STAG2: variants seen among roughly 807,000 people sequenced by gnomAD.
The protein encoded by STAG2 is cohesin subunit SA-2.
Under a neutral mutation model 108.1 loss-of-function variants are expected in STAG2, and 14 were observed. The observed-to-expected ratio is 0.13, with a 90% CI of 0.09 to 0.20. STAG2 has a LOEUF of 0.20. Ranked by LOEUF, STAG2 falls within the 10% of genes least tolerant of loss-of-function variation. STAG2 has a pLI of 1.00. For synonymous variants in STAG2, 307 were observed against 302.7 expected, an observed-to-expected ratio of 1.01 and a Z score of -0.15; for missense variants, 440 against 940.9, an observed-to-expected ratio of 0.47 and a Z score of 6.96.
intron 1 of STAG2, among the ~76,000 whole-genome samples, chrX:123,986,973 C>T (rs548637470): frequency 1.8e-5 from 2 of 109,763 alleles, no homozygotes; most frequent in South Asian, 7.9e-4. Flanking sequence ...GCCACCATGT[C>T]CAGCTACTTA....
rs1198971849 is a variant in STAG2 at position 124,034,875 on chromosome X, GTTGTTATTATTA to G, written c.289-2649_289-2638del. Among the ~76,000 whole-genome samples, 15 of 99,872 alleles carry G rather than the reference GTTGTTATTATTA, an allele frequency of 1.5e-4. No homozygotes were observed. The South Asian group carries it at 1.9e-3, about 13-fold the overall frequency. The allele number at this position is 99,872 out of a possible 115,157, so 86.7% of individuals were successfully genotyped here. A position where few individuals can be genotyped will look rare whatever the true frequency, so the allele number is the denominator to read the frequency against. On this transcript the variant is annotated intron_variant, in intron 5 of 34. Coordinates refer to ENST00000371145, the MANE Select transcript of STAG2 (RefSeq NM_001042750.2). The stretch of plus-strand genomic sequence containing the variant: ...CTCAGTAGTTGTTGTTGTTGTTGTT[GTTGTTATTATTA>G]TTATTATTATTATTATTATCATTAT...
Position 123,972,941 on chromosome X carries a change from C to T in STAG2, c.-163+11085C>T, listed in dbSNP as rs189367943. 6.2e-3 allele frequency among the ~76,000 whole-genome samples: 628 copies of T among 101,968 alleles called. 4 individuals carry two copies. The highest frequency in any genetic ancestry group is 0.022 in the African/African-American group (595 of 27,607). The allele number at this position is 101,968 out of a possible 115,157, so 88.5% of individuals were successfully genotyped here. On this transcript the variant is annotated intron_variant, in intron 1 of 34. Coordinates refer to ENST00000371145, the MANE Select transcript of STAG2 (RefSeq NM_001042750.2). ...GCGCTCACCTGTGGTCTCAGCTACT[C>T]AGGAGGCAGAGGTGGGAGGATCACT...
intron 1 of STAG2, among the ~76,000 whole-genome samples, chrX:123,963,746 A>G (rs1230566297): frequency 1.8e-5 from 2 of 111,086 alleles, no homozygotes; most frequent in Admixed American, 9.7e-5. Flanking sequence ...GGGTTTATGG[A>G]CTTCATTAAA....
At chrX:124,028,622 CTGTTA>C (rs757055070) in intron 4 of STAG2, among the ~76,000 whole-genome samples, 546 of 108,652 alleles carry the variant, frequency 5.0e-3, no homozygotes, top group Middle Eastern at 9.6e-3. Context: ...TTTAAAGTAA[CTGTTA>C]AGAGTTGAGT....
intron 13 of STAG2, among the ~76,000 whole-genome samples, chrX:124,055,537 T>A (rs750397183): frequency 1.8e-5 from 2 of 112,702 alleles, no homozygotes; most frequent in Non-Finnish European, 3.8e-5. Context: ...CTTATTTTGT[T>A]CTTTAAAGAT....
chrX:124,065,807 A>G, intron 20 of STAG2, 69 bp from the exon 21 acceptor site: 4 of 732,364 alleles, frequency 5.5e-6, no homozygotes, highest in Non-Finnish European at 7.7e-6. Context: ...TTTTCAAGGT[A>G]ATAGTGACAT....
chrX:124,002,598 A>G (rs2056091982), intron 1 of STAG2, among the ~76,000 whole-genome samples: 1 of 110,883 alleles, frequency 9.0e-6, no homozygotes, highest in Admixed American at 9.7e-5. Flanking sequence ...CTTGGGAACT[A>G]AAAGATGGCC....
intron 1 of STAG2, among the ~76,000 whole-genome samples, chrX:123,970,286 C>T (rs944182116): frequency 1.8e-5 from 2 of 109,863 alleles, no homozygotes; most frequent in African/African-American, 3.3e-5. Context: ...AATTATTCCC[C>T]GAGGCATCCA....
At chrX:123,964,112 A>C (rs1427403013) in intron 1 of STAG2, among the ~76,000 whole-genome samples, 1 of 111,206 alleles carries the variant, frequency 9.0e-6, no homozygotes, top group Non-Finnish European at 1.9e-5. Context: ...GTTTAAGATA[A>C]ACTTTTTTTG....
At chrX:123,981,557 A>T (rs1057003164) in intron 1 of STAG2, among the ~76,000 whole-genome samples, 28 of 111,846 alleles carry the variant, frequency 2.5e-4, no homozygotes, top group African/African-American at 8.1e-4. Context: ...CAGTTGACAG[A>T]TGCTTGGGTT....
chrX:124,028,587 C>T (rs2057183334), intron 4 of STAG2, among the ~76,000 whole-genome samples: 1 of 109,760 alleles, frequency 9.1e-6, no homozygotes, highest in African/African-American at 3.3e-5. Flanking sequence ...TCAGATGTTT[C>T]AGGTGTTCCC....
At position 124,081,434 on chromosome X, in the gene STAG2, A is replaced by G. The variant is rs1260183373; in HGVS notation, c.2830A>G (p.Thr944Ala). Residue 944 changes from threonine to alanine, a missense_variant, in exon 28 of 35, where the codon ACA (threonine) becomes GCA (alanine). By Grantham distance (58) the Thr-to-Ala change is moderately conservative (BLOSUM62 0). This residue lies in a region of STAG2 where 337 missense variants were observed against 649.3 expected (regional missense o/e 0.52). Transcript: ENST00000371145. The stretch of plus-strand genomic sequence containing the variant: ...CTATAATTTTGATAGATCATCCTCT[A>G]CATTTAGTGGCATAAAAGAACTTGC... ...NGYNFDRSSS[T>A]FSGIKELARR... 2 of 1,186,218 alleles carry G rather than the reference A, an allele frequency of 1.7e-6. No homozygotes were observed. Among genetic ancestry groups the G allele is most frequent in the Non-Finnish European group, 2.3e-6 (2 of 877,563 alleles).
At chrX:124,033,608 A>G (rs964256688) in intron 5 of STAG2, among the ~76,000 whole-genome samples, 6 of 111,152 alleles carry the variant, frequency 5.4e-5, no homozygotes, top group East Asian at 2.8e-4. Flanking sequence ...CTAAAAATAA[A>G]AAAGTTAGCT....
intron 33 of STAG2, among the ~76,000 whole-genome samples, chrX:124,094,731 C>G (rs17334808): frequency 0.16 from 17,853 of 111,002 alleles, 1,179 homozygotes; most frequent in South Asian, 0.37. Context: ...GAAGCTTACT[C>G]TCTCCAAAGA....
intron 1 of STAG2, among the ~76,000 whole-genome samples, chrX:123,995,476 C>G (rs189305317): frequency 9.0e-6 from 1 of 111,038 alleles, no homozygotes; most frequent in East Asian, 2.8e-4. Flanking sequence ...GGGTGGATCA[C>G]GAGGTGAGGA....
chrX:124,029,365 C>T (rs1380506953), intron 4 of STAG2, among the ~76,000 whole-genome samples: 4 of 109,249 alleles, frequency 3.7e-5, no homozygotes, highest in African/African-American at 1.3e-4. Flanking sequence ...GGCTGGAGTG[C>T]AGTGGTGTGA....
At chrX:124,057,470 A>G (rs1044532973) in intron 14 of STAG2, among the ~76,000 whole-genome samples, 3 of 112,343 alleles carry the variant, frequency 2.7e-5, no homozygotes, top group Admixed American at 1.9e-4. Context: ...TAATTTTGCC[A>G]GAAGGATGGA....
At chrX:124,083,781 C>T (rs1371197499) in intron 29 of STAG2, among the ~76,000 whole-genome samples, 1 of 111,824 alleles carries the variant, frequency 8.9e-6, no homozygotes, top group Non-Finnish European at 1.9e-5. Context: ...GCTTTTGACA[C>T]GTAATTTGAA....
intron 1 of STAG2, among the ~76,000 whole-genome samples, chrX:123,976,995 G>A (rs181440901): frequency 2.9e-4 from 32 of 112,260 alleles, no homozygotes; most frequent in Middle Eastern, 4.6e-3. Flanking sequence ...ATAGTGGTCA[G>A]GAACCTTTTG....
Sources: allele counts gnomAD v4.1 joint callset (sites outside exome capture counted in the v4.1 genomes callset), GRCh38; gene constraint gnomAD v4.1.1; regional missense constraint gnomAD v4.1.1; transcripts MANE v1.5; gene names NCBI Gene and HGNC (gene_info 2026-07-23, HGNC 2026-07-21).